The following CDCA2 variants were observed in gnomAD, a reference collection of about 807,000 sequenced individuals.
The protein encoded by CDCA2 is cell division cycle-associated protein 2.
CDCA2 carries 44 observed loss-of-function variants against 67.0 expected under a neutral mutation model. The ratio of observed to expected loss-of-function variants is 0.66; its 90% CI spans 0.52 to 0.84. The LOEUF (loss-of-function observed/expected upper bound fraction) is 0.84, where lower values mean the gene tolerates loss of function less well. Ranked by LOEUF, CDCA2 falls within the 40% of genes least tolerant of loss-of-function variation. The pLI, the probability that CDCA2 is intolerant of heterozygous loss-of-function variation, is 0.00. For missense variants in CDCA2, 1,253 were observed against 1,203.2 expected (o/e 1.04, Z -0.61); for synonymous variants, 447 against 418.7 (o/e 1.07, Z -0.82).
chr8:25,460,696 C>T, intron 3 of CDCA2, 142 bp downstream of exon 3: 1 of 776,848 alleles, frequency 1.3e-6, no homozygotes, highest in East Asian at 2.7e-5. Flanking sequence ...TTCAGAGAGA[C>T]TTCTTTGCAC....
At chr8:25,464,619 A>C (rs1802827738) in intron 4 of CDCA2, among the ~76,000 whole-genome samples, 1 of 152,188 alleles carries the variant, frequency 6.6e-6, no homozygotes, top group South Asian at 2.1e-4. Context: ...TTTTGACTAG[A>C]GAAACTTAAA....
intron 13 of CDCA2, among the ~76,000 whole-genome samples, chr8:25,494,776 T>C (rs1241196515): frequency 1.3e-5 from 2 of 152,228 alleles, no homozygotes; most frequent in Non-Finnish European, 2.9e-5. Flanking sequence ...AAAATAGTTA[T>C]TAATTTAAAA....
chr8:25,479,997 A>T lies in CDCA2; in HGVS notation c.905A>T (p.Asp302Val). 1.9e-6 allele frequency: 3 copies of T among 1,614,182 alleles called. No individual in the cohort carries two copies. The highest frequency in any genetic ancestry group is 2.5e-6 in the Non-Finnish European group (3 of 1,180,040). Residue 302 changes from aspartate to valine, a missense_variant, in exon 8 of 15, where the codon GAC becomes GTC. Coordinates refer to ENST00000330560, the MANE Select transcript of CDCA2 (RefSeq NM_152562.4). The part of the protein sequence containing the change: ...PDTFTAEVSS[D>V]AVPDVRSPAT... ...ACGTTCACAGCAGAAGTGAGCTCAG[A>T]CGCAGTCCCTGATGTCAGGTCACCA...
At chr8:25,484,740 A>G (rs922096990) in intron 10 of CDCA2, among the ~76,000 whole-genome samples, 1 of 152,020 alleles carries the variant, frequency 6.6e-6, no homozygotes, top group Admixed American at 6.6e-5. Flanking sequence ...TAGCTGGGAC[A>G]TGGGCACACA....
At chr8:25,471,046 G>A (rs1803133077) in intron 7 of CDCA2, among the ~76,000 whole-genome samples, 1 of 152,162 alleles carries the variant, frequency 6.6e-6, no homozygotes, top group Non-Finnish European at 1.5e-5. Context: ...ACAGGCATGA[G>A]CCACTGTGCC....
rs1031412790 is a variant in CDCA2, at chr8:25,486,830, T to G, written c.1445-416T>G. ...ACTCCATCTCAAAAAAAACAAGTGG[T>G]CAAAATAAAATTTTCCTATCCTACA... is the stretch of plus-strand genomic sequence containing the variant. On this transcript the variant is annotated intron_variant, in intron 11 of 14. Transcript: ENST00000330560. Among the ~76,000 whole-genome samples the G allele has an allele frequency of 8.8e-4, 133 of 151,968 alleles. 2 individuals carry two copies. Among genetic ancestry groups the G allele is most frequent in the Admixed American group, 7.9e-3 (120 of 15,266 alleles).
At chr8:25,479,705 C>A in intron 7 of CDCA2, 1 of 568,190 alleles carries the variant, frequency 1.8e-6, no homozygotes, top group Non-Finnish European at 3.1e-6. Flanking sequence ...CTTCGTAGTC[C>A]GATTTGAGGT....
At chr8:25,485,326 C>T (rs1336013558) in intron 10 of CDCA2, among the ~76,000 whole-genome samples, 1 of 151,916 alleles carries the variant, frequency 6.6e-6, no homozygotes, top group African/African-American at 2.4e-5. Flanking sequence ...GCAAAACCAA[C>T]AGTTAATGTC....
intron 13 of CDCA2, among the ~76,000 whole-genome samples, chr8:25,491,622 T>C (rs894603387): frequency 3.3e-5 from 5 of 152,176 alleles, no homozygotes; most frequent in Admixed American, 2.0e-4. Flanking sequence ...TCTTTTTTTC[T>C]TTTCTTTTTA....
chr8:25,467,065 A>AAAAAAAC (rs1468639428), intron 5 of CDCA2, among the ~76,000 whole-genome samples: 3 of 126,230 alleles, frequency 2.4e-5, no homozygotes, highest in Admixed American at 8.7e-5. Context: ...AAAAAAAAAA[A>AAAAAAAC]ACACACACAC....
At chr8:25,470,458 T>A (rs1803107524) in intron 7 of CDCA2, among the ~76,000 whole-genome samples, 1 of 152,242 alleles carries the variant, frequency 6.6e-6, no homozygotes, top group Non-Finnish European at 1.5e-5. Context: ...TAATCCATTC[T>A]GATAATTTAT....
At chr8:25,488,490 G>A in intron 12 of CDCA2, 62 bp from the exon 13 acceptor site, 1 of 1,439,692 alleles carries the variant, frequency 6.9e-7, no homozygotes, top group East Asian at 2.5e-5. Flanking sequence ...AAGAGTGAGA[G>A]CAGCACATTA....
At chr8:25,469,353 A>G (rs1187781016) in intron 6 of CDCA2, among the ~76,000 whole-genome samples, 1 of 152,194 alleles carries the variant, frequency 6.6e-6, no homozygotes, top group Non-Finnish European at 1.5e-5. Flanking sequence ...TTGATGTGAA[A>G]TCCCCACTGG....
At chr8:25,496,708 C>T (rs1157393624) in intron 13 of CDCA2, among the ~76,000 whole-genome samples, 2 of 152,012 alleles carry the variant, frequency 1.3e-5, no homozygotes, top group Non-Finnish European at 2.9e-5. Context: ...ATTAAAACCA[C>T]AATGAGATAT....
chr8:25,462,254 T>G (rs760049365), intron 4 of CDCA2, 46 bp downstream of exon 4: 25 of 1,588,954 alleles, frequency 1.6e-5, no homozygotes, highest in Non-Finnish European at 2.0e-5. Flanking sequence ...TTAATGAAGC[T>G]TTTGTGCTTT....
chr8:25,471,170 CT>C (rs768211993), intron 7 of CDCA2, among the ~76,000 whole-genome samples: 3 of 152,166 alleles, frequency 2.0e-5, no homozygotes, highest in Non-Finnish European at 4.4e-5. Flanking sequence ...CTGAGTTTCT[CT>C]GTCTTATTTT....
At chr8:25,485,662 G>A in intron 10 of CDCA2, 97 bp from the exon 11 acceptor site, 1 of 617,354 alleles carries the variant, frequency 1.6e-6, no homozygotes, top group Non-Finnish European at 2.8e-6. Flanking sequence ...GCTTATTATA[G>A]TTTCTCCTAC....
chr8:25,460,549 C>CT lies in CDCA2; in HGVS notation c.228dup (p.Ala77CysfsTer9). 1 of 1,609,874 alleles carries CT rather than the reference C, an allele frequency of 6.2e-7. No homozygotes were observed. The highest frequency in any genetic ancestry group is 8.5e-7 in the Non-Finnish European group (1 of 1,178,660). On this transcript the variant is annotated frameshift_variant, in exon 3 of 15. Transcript: ENST00000330560. LOFTEE classifies it high-confidence loss of function. ...ACACCTGAAAGCTTTGTTAGGAACT[C>CT]TGCAGGTAAGAAAAGTTGTCATTCT...
intron 5 of CDCA2, among the ~76,000 whole-genome samples, chr8:25,467,708 C>T (rs1802970256): frequency 6.6e-6 from 1 of 152,080 alleles, no homozygotes; most frequent in African/African-American, 2.4e-5. Flanking sequence ...ATTATCTTTT[C>T]AATAGACATG....
Sources: allele counts gnomAD v4.1 joint callset (sites outside exome capture counted in the v4.1 genomes callset), GRCh38; gene constraint gnomAD v4.1.1; transcripts MANE v1.5; gene names NCBI Gene and HGNC (gene_info 2026-07-23, HGNC 2026-07-21).